The following RECQL variants were observed in gnomAD, a reference collection of about 807,000 sequenced individuals.
RECQL encodes ATP-dependent DNA helicase Q1.
A neutral mutation model predicts 75.8 loss-of-function variants in RECQL; 73 were observed. That is an observed-to-expected ratio of 0.96 (90% confidence interval 0.80 to 1.17). The LOEUF (loss-of-function observed/expected upper bound fraction) is 1.17. Among genes scored for constraint, RECQL ranks in the 50% most tolerant of loss-of-function variants. RECQL has a pLI of 0.00. For synonymous variants in RECQL, 248 were observed against 254.4 expected, an observed-to-expected ratio of 0.97 and a Z score of 0.24; for missense variants, 699 against 772.1, an observed-to-expected ratio of 0.91 and a Z score of 1.12.
intron 4 of RECQL, among the ~76,000 whole-genome samples, chr12:21,488,113 G>T (rs73082690): frequency 0.025 from 3,845 of 152,060 alleles, 54 homozygotes; most frequent in Middle Eastern, 0.044. Context: ...ATTGCTATTT[G>T]GTCTCCACCC....
chr12:21,493,637 G>A (rs1943452509), intron 2 of RECQL, among the ~76,000 whole-genome samples: 1 of 152,168 alleles, frequency 6.6e-6, no homozygotes, highest in Non-Finnish European at 1.5e-5. Context: ...GAAATTTGGA[G>A]GGGAACATAA....
rs5796903 is a variant in RECQL, at chr12:21,477,059, A to AC, written c.868-68dup. The AC allele has an allele frequency of 0.49, 508,771 of 1,032,868 alleles. 129,333 individuals carry two copies. The highest frequency in any genetic ancestry group is 0.57 in the East Asian group (21,850 of 38,624). 64.0% of individuals were successfully genotyped at this position (1,032,868 alleles called of 1,614,324 possible). On this transcript the variant is annotated intron_variant, in intron 7 of 14. Coordinates refer to ENST00000444129, the MANE Select transcript of RECQL (RefSeq NM_002907.4). ...CCATCCAAGTGGCTGTCTATGTACAACTTTCAGGATGCAGTTCTTTCATGA... is the reference window on the plus strand; with the variant it reads ...CCATCCAAGTGGCTGTCTATGTACAACCTTTCAGGATGCAGTTCTTTCATGA...
Position 21,490,241 on chromosome 12 carries a change from C to T in RECQL, c.352G>A (p.Gly118Arg), listed in dbSNP as rs1425899265. The change falls in exon 4 of 15, where the codon GGA (glycine) becomes AGA (arginine). Residue 118 changes from glycine to arginine, a missense_variant. Transcript: ENST00000444129. ...EVFLVMPTGGGKSLCYQLPAL... is the reference protein window; with the variant it reads ...EVFLVMPTGGRKSLCYQLPAL... The stretch of plus-strand genomic sequence containing the variant: ...GGTAACTGGTAACATAAGCTCTTTC[C>T]ACCTCCTGTAGGCATAACAAGAAAT... The T allele has an allele frequency of 3.1e-6, 5 of 1,612,930 alleles. No individual in the cohort carries two copies. Among genetic ancestry groups the T allele is most frequent in the South Asian group, 1.1e-5 (1 of 91,022 alleles).
chr12:21,471,205 G>A, intron 13 of RECQL, 107 bp from the exon 14 acceptor site: 2 of 1,182,596 alleles, frequency 1.7e-6, no homozygotes, highest in Admixed American at 2.7e-5. Flanking sequence ...ACATTGACTT[G>A]AAATAATAAA....
intron 6 of RECQL, among the ~76,000 whole-genome samples, chr12:21,482,774 A>C (rs1362952097): frequency 2.6e-5 from 4 of 152,204 alleles, no homozygotes; most frequent in Admixed American, 2.6e-4. Context: ...AAACAGGTTG[A>C]AGCCAGGGAG....
chr12:21,483,701 GT>G, intron 5 of RECQL, 127 bp from the exon 6 acceptor site: 1 of 663,372 alleles, frequency 1.5e-6, no homozygotes, highest in Non-Finnish European at 2.5e-6. Context: ...AGGAGCAGAT[GT>G]TTAGTTCATT....
At chr12:21,495,594 A>G (rs555294334) in intron 2 of RECQL, among the ~76,000 whole-genome samples, 115 of 146,942 alleles carry the variant, frequency 7.8e-4, no homozygotes, top group African/African-American at 2.7e-3. Context: ...GACTCCGTCC[A>G]AAAAAAAAAG....
At chr12:21,481,105 G>A (rs1274056699) in intron 6 of RECQL, among the ~76,000 whole-genome samples, 9 of 152,310 alleles carry the variant, frequency 5.9e-5, no homozygotes, top group African/African-American at 7.2e-5. Context: ...TTTGGCTTCA[G>A]CAAACATGTG....
At chr12:21,485,364 G>C (rs1359914159) in intron 5 of RECQL, among the ~76,000 whole-genome samples, 1 of 146,310 alleles carries the variant, frequency 6.8e-6, no homozygotes, top group Admixed American at 6.8e-5. Context: ...GAAAAGAAAA[G>C]AAAGAGAGAA....
intron 2 of RECQL, 125 bp downstream of exon 2, chr12:21,499,430 T>A: frequency 1.2e-6 from 1 of 859,174 alleles, no homozygotes; most frequent in Non-Finnish European, 1.8e-6. Context: ...ATGTGTATTT[T>A]ACTTCAATAA....
intron 2 of RECQL, 75 bp from the exon 3 acceptor site, chr12:21,491,791 T>C: frequency 7.7e-7 from 1 of 1,294,774 alleles, no homozygotes; most frequent in Non-Finnish European, 1.1e-6. Context: ...GATTTCTGGG[T>C]GTTGCCCGCC....
At chr12:21,501,131 G>A (rs1943606072) in intron 1 of RECQL, 39 bp downstream of exon 1, 1 of 152,144 alleles carries the variant, frequency 6.6e-6, no homozygotes, top group Non-Finnish European at 1.5e-5. Context: ...CCGCTACTGT[G>A]AAGCAGGGGG....
chr12:21,480,168 T>G (rs1370157937), intron 6 of RECQL, among the ~76,000 whole-genome samples: 1 of 152,104 alleles, frequency 6.6e-6, no homozygotes, highest in African/African-American at 2.4e-5. Flanking sequence ...GGTAGACAGA[T>G]GGGGGCAGAT....
chr12:21,500,630 C>T (rs892101624), intron 1 of RECQL, among the ~76,000 whole-genome samples: 10 of 152,208 alleles, frequency 6.6e-5, no homozygotes, highest in African/African-American at 2.2e-4. Context: ...TCTATACAAA[C>T]ATCTCTTCAC....
chr12:21,475,932 A>C, intron 8 of RECQL, 108 bp from the exon 9 acceptor site: 1 of 919,016 alleles, frequency 1.1e-6, no homozygotes, highest in Non-Finnish European at 1.6e-6. Context: ...AGAAGGAAAA[A>C]AAGAATTATG....
In RECQL at chr12:21,491,524, T is replaced by G. The variant is rs761029140; in HGVS notation, c.209A>C (p.Lys70Thr). 1 of 1,590,660 alleles carries G rather than the reference T, an allele frequency of 6.3e-7. No homozygotes were observed. The highest frequency in any genetic ancestry group is 2.2e-5 in the East Asian group (1 of 44,752). The part of the protein sequence containing the change: ...EYDSSPAAWN[K>T]EDFPWSGKVK... Reference sequence around the variant, plus strand: ...AAAAAAAAAAAAAAGTTAACCTTCTTTATTCCAAGCGGCAGGTGAAGAATC... The same window carrying G: ...AAAAAAAAAAAAAAGTTAACCTTCTGTATTCCAAGCGGCAGGTGAAGAATC... Residue 70 changes from lysine to threonine, a missense_variant, in exon 3 of 15, where the codon AAA (lysine) becomes ACA (threonine). Around this residue, in one of 2 missense-constraint regions of RECQL, gnomAD observed 669 missense variants for 713.5 expected, o/e 0.94. Coordinates refer to ENST00000444129, the MANE Select transcript of RECQL (RefSeq NM_002907.4).
At chr12:21,495,156 A>G (rs1661610614) in intron 2 of RECQL, among the ~76,000 whole-genome samples, 1 of 152,168 alleles carries the variant, frequency 6.6e-6, no homozygotes, top group Non-Finnish European at 1.5e-5. Context: ...CCAGAATTGA[A>G]CCACCTTATA....
intron 4 of RECQL, among the ~76,000 whole-genome samples, chr12:21,487,164 T>G (rs1360819560): frequency 2.6e-5 from 4 of 152,214 alleles, no homozygotes; most frequent in African/African-American, 9.6e-5. Context: ...TTTTTATCAT[T>G]TCAAATGTTT....
At chr12:21,490,530 G>A in intron 3 of RECQL, 152 bp from the exon 4 acceptor site, 1 of 552,268 alleles carries the variant, frequency 1.8e-6, no homozygotes, top group Non-Finnish European at 3.2e-6. Context: ...GCTAAGCAAA[G>A]CAAAAACAAG....
Sources: gnomAD v4.1 joint callset for allele counts (sites outside exome capture counted in the v4.1 genomes callset) on GRCh38, gnomAD v4.1.1 for gene constraint, gnomAD v4.1.1 regional missense constraint, MANE v1.5 for transcripts, NCBI Gene and HGNC (gene_info 2026-07-23, HGNC 2026-07-21) for gene names.